The following DDX24 variants were observed in gnomAD, a reference collection of about 807,000 sequenced individuals.
DDX24 encodes ATP-dependent RNA helicase DDX24.
A neutral mutation model predicts 68.9 loss-of-function variants in DDX24; 24 were observed. The ratio of observed to expected loss-of-function variants is 0.35; its 90% CI spans 0.25 to 0.49. The LOEUF is 0.49. Ranked by LOEUF, DDX24 falls within the 20% of genes least tolerant of loss-of-function variation. The pLI, the probability that DDX24 is intolerant of heterozygous loss-of-function variation, is 0.99. For synonymous variants in DDX24, 395 were observed against 385.2 expected (o/e 1.03, Z -0.30); for missense variants, 989 against 1,039.0 (o/e 0.95, Z 0.66).
intron 2 of DDX24, among the ~76,000 whole-genome samples, chr14:94,066,221 G>A (rs543662334): frequency 3.7e-4 from 56 of 152,200 alleles, no homozygotes; most frequent in Non-Finnish European, 6.5e-4. Flanking sequence ...ATGACTGCTG[G>A]CTTTCCCCCA....
Position 94,068,413 on chromosome 14 carries a change from T to C in DDX24, c.719-5792A>G, listed in dbSNP as rs986258318. On this transcript the variant is annotated intron_variant, in intron 2 of 8. Transcript: ENST00000621632. ...GAGACAGACAGCAACACAATAATAG[T>C]GGGGGACTTCAATACTCCACTGACA... 2.0e-5 allele frequency among the ~76,000 whole-genome samples: 3 copies of C among 152,006 alleles called. 1 individual carries two copies. Among genetic ancestry groups the C allele is most frequent in the East Asian group, 1.9e-4 (1 of 5,198 alleles).
chr14:94,077,043 A>G (rs1885956767), intron 2 of DDX24, among the ~76,000 whole-genome samples: 1 of 152,244 alleles, frequency 6.6e-6, no homozygotes, highest in African/African-American at 2.4e-5. Context: ...TTTCTTAATA[A>G]CATTTTTTCT....
At chr14:94,068,057 T>TA (rs1348541336) in intron 2 of DDX24, among the ~76,000 whole-genome samples, 2 of 152,124 alleles carry the variant, frequency 1.3e-5, no homozygotes, top group Non-Finnish European at 2.9e-5. Flanking sequence ...ACTTAAAAGA[T>TA]AAAGAACTGC....
chr14:94,060,736 C>T lies in DDX24; in HGVS notation c.1398-123G>A. ...CACGTACACACCCCACTACCACCAC[C>T]ACCATCAGGCCCTCAACTAATCTCC... On this transcript the variant is annotated intron_variant, in intron 4 of 8. Coordinates refer to ENST00000621632, the MANE Select transcript of DDX24 (RefSeq NM_020414.4). 2.1e-6 allele frequency: 3 copies of T among 1,462,972 alleles called. No homozygotes were observed. The South Asian group carries it at 4.0e-5, about 19-fold the overall frequency. The allele number at this position is 1,462,972 out of a possible 1,614,324, so 90.6% of individuals were successfully genotyped here.
At chr14:94,055,281 C>T in intron 6 of DDX24, 97 bp from the exon 7 acceptor site, 1 of 1,281,864 alleles carries the variant, frequency 7.8e-7, no homozygotes, top group South Asian at 1.4e-5. Flanking sequence ...TCCTACCTCC[C>T]AGCCAGGCAG....
chr14:94,075,263 G>A lies in DDX24; in HGVS notation c.718+3762C>T, dbSNP rs549295692. Among the ~76,000 whole-genome samples the A allele has an allele frequency of 6.0e-4, 92 of 152,240 alleles. No individual in the cohort carries two copies. In the South Asian group the frequency reaches 0.019, roughly 31 times the overall value. ...ACCTGATTTTAAGACTTATTATAAA[G>A]CTATTATAACCAAGAGAATAAGAAA... is the stretch of plus-strand genomic sequence containing the variant. On this transcript the variant is annotated intron_variant, in intron 2 of 8. Transcript: ENST00000621632.
intron 1 of DDX24, among the ~76,000 whole-genome samples, chr14:94,080,835 G>T (rs1886069706): frequency 6.6e-6 from 1 of 152,218 alleles, no homozygotes; most frequent in Non-Finnish European, 1.5e-5. Context: ...TCCTCGTGAC[G>T]CCGGTCCCGC....
chr14:94,051,322 G>T lies in DDX24; in HGVS notation c.2449C>A (p.Pro817Thr), dbSNP rs779756351. 1 of 1,613,440 alleles carries T rather than the reference G, an allele frequency of 6.2e-7. No homozygotes were observed. Among genetic ancestry groups the T allele is most frequent in the Non-Finnish European group, 8.5e-7 (1 of 1,179,892 alleles). Residue 817 changes from proline to threonine, a missense_variant, in exon 9 of 9, where the codon CCC becomes ACC. Pro to Thr is a conservative substitution (Grantham distance 38). Coordinates refer to ENST00000621632, the MANE Select transcript of DDX24 (RefSeq NM_020414.4). ...TTACTTGGGGCAGACACAAGCAGGG[G>T]CGGCTTGCCAGACTGAGTGGGATAC... ...TKYPTQSGKP[P>T]LLVSAPSKSE...
chr14:94,067,807 GCCA>G (rs1264635615), intron 2 of DDX24, among the ~76,000 whole-genome samples: 3 of 135,314 alleles, frequency 2.2e-5, no homozygotes, highest in Non-Finnish European at 5.0e-5. Context: ...CCATTACCAA[GCCA>G]CCACTACAAG....
chr14:94,060,805 C>G (rs553340186), intron 4 of DDX24, 108 bp downstream of exon 4: 3 of 1,517,030 alleles, frequency 2.0e-6, no homozygotes, highest in Non-Finnish European at 2.7e-6. Context: ...CTGGATGATA[C>G]CACACCATAG....
rs201724101 is a variant in DDX24, at chr14:94,060,347, C to G, written c.1664G>C (p.Arg555Thr). 2.5e-6 allele frequency: 4 copies of G among 1,614,176 alleles called. No homozygotes were observed. The highest frequency in any genetic ancestry group is 3.4e-6 in the Non-Finnish European group (4 of 1,180,034). The change falls in exon 5 of 9, where the codon AGG becomes ACG. Residue 555 changes from arginine to threonine, a missense_variant. Around this residue, in one of 3 missense-constraint regions of DDX24, gnomAD observed 691 missense variants for 760.0 expected, o/e 0.91. Transcript: ENST00000621632. Reference protein sequence around the residue: ...RGKPKVIDLTRNEATVETLTE... With the variant: ...RGKPKVIDLTTNEATVETLTE... ...TAGCGTCTCCACCGTGGCCTCATTC[C>G]TTGTGAGGTCAATGACCTTGGGCTT...
intron 2 of DDX24, among the ~76,000 whole-genome samples, chr14:94,069,331 G>A (rs1271633882): frequency 6.6e-6 from 1 of 152,126 alleles, no homozygotes; most frequent in African/African-American, 2.4e-5. Flanking sequence ...GAGATACCCT[G>A]AACAGACCAA....
At chr14:94,056,144 G>A (rs1885487860) in intron 6 of DDX24, 1 of 152,152 alleles carries the variant, frequency 6.6e-6, no homozygotes, top group Non-Finnish European at 1.5e-5. Flanking sequence ...CCCAAAAAAG[G>A]GAAGACTATA....
chr14:94,049,077 C>T lies in DDX24; in HGVS notation c.*2114G>A, dbSNP rs1249865102. 2 of 152,226 alleles carry T rather than the reference C, an allele frequency of 1.3e-5. No homozygotes were observed. The highest frequency in any genetic ancestry group is 2.4e-5 in the African/African-American group (1 of 41,432). The allele number at this position is 152,226 out of a possible 1,614,324, so 9.4% of individuals were successfully genotyped here. On this transcript the variant is annotated 3_prime_UTR_variant, in exon 9 of 9. Transcript: ENST00000621632. ...ATCCAGGACACTCCGGAAGCTCTGC[C>T]CACCAACTTCACCTTACCAGGCGAG...
intron 2 of DDX24, among the ~76,000 whole-genome samples, chr14:94,068,091 C>T (rs1885743315): frequency 6.6e-6 from 1 of 152,164 alleles, no homozygotes; most frequent in Admixed American, 6.5e-5. Context: ...AACTCATCAA[C>T]CAACTATCTG....
chr14:94,078,235 T>A (rs564105005), intron 2 of DDX24, among the ~76,000 whole-genome samples: 2 of 152,308 alleles, frequency 1.3e-5, no homozygotes, highest in East Asian at 3.9e-4. Flanking sequence ...GACTTGAGCA[T>A]CCCTGGATTT....
At chr14:94,051,617 G>C in intron 8 of DDX24, 155 bp from the exon 9 acceptor site, 2 of 900,390 alleles carry the variant, frequency 2.2e-6, no homozygotes, top group Non-Finnish European at 3.3e-6. Flanking sequence ...CTTGGCAGGG[G>C]CTGTAAATGG....
At chr14:94,071,046 A>G (rs1189546017) in intron 2 of DDX24, among the ~76,000 whole-genome samples, 1 of 152,378 alleles carries the variant, frequency 6.6e-6, no homozygotes, top group East Asian at 1.9e-4. Flanking sequence ...CTGTACAGCA[A>G]AAGGAACAGT....
intron 5 of DDX24, among the ~76,000 whole-genome samples, chr14:94,059,211 T>C (rs1885545543): frequency 6.6e-6 from 1 of 152,272 alleles, no homozygotes; most frequent in Admixed American, 6.5e-5. Flanking sequence ...AGAAACTAAT[T>C]ACCCCATGAC....
Sources: allele counts gnomAD v4.1 joint callset (sites outside exome capture counted in the v4.1 genomes callset), GRCh38; gene constraint gnomAD v4.1.1; regional missense constraint gnomAD v4.1.1; transcripts MANE v1.5; gene names NCBI Gene and HGNC (gene_info 2026-07-23, HGNC 2026-07-21).